Variants in COA5 observed in about 807,000 individuals in gnomAD.
COA5 encodes cytochrome c oxidase assembly factor 5.
Under a neutral mutation model 11.8 loss-of-function variants are expected in COA5, and 11 were observed. The observed-to-expected ratio is 0.93, with a 90% CI of 0.59 to 1.54. The LOEUF is 1.54. Ranked by LOEUF, COA5 falls within the 40% of genes most tolerant of loss-of-function variation. The pLI, the probability that COA5 is intolerant of heterozygous loss-of-function variation, is 0.00. For synonymous variants in COA5, 38 were observed against 37.5 expected, an observed-to-expected ratio of 1.01 and a Z score of -0.05; for missense variants, 87 against 89.2, an observed-to-expected ratio of 0.97 and a Z score of 0.10.
At chr2:98,604,322 G>C in intron 1 of COA5, 131 bp from the exon 2 acceptor site, 1 of 746,142 alleles carries the variant, frequency 1.3e-6, no homozygotes, top group Non-Finnish European at 2.3e-6. Flanking sequence ...GTAGGAAATA[G>C]TTCTTAATTC....
Position 98,600,685 on chromosome 2 carries a change from T to C in COA5, c.*67A>G. 1 of 1,385,638 alleles carries C rather than the reference T, an allele frequency of 7.2e-7. No homozygotes were observed. 85.8% of individuals were successfully genotyped at this position (1,385,638 alleles called of 1,614,324 possible). A position where few individuals can be genotyped will look rare whatever the true frequency, so the allele number is the denominator to read the frequency against. ...GTAGTAAAAAGTATGTTTCCTGTTT[T>C]GGCTTCTTTGTGTTAATGACCAGGG... On this transcript the variant is annotated 3_prime_UTR_variant, in exon 3 of 3. Coordinates refer to ENST00000328709, the MANE Select transcript of COA5 (RefSeq NM_001008215.3).
rs1410749311 is a variant in COA5 at position 98,608,392 on chromosome 2, T to A, written c.14A>T (p.Tyr5Phe). MPKY[Y>F]EDKPQGGACA... Reference sequence around the variant, plus strand: ...CGCGCCGCCCTGCGGCTTGTCCTCATAATACTTAGGCATGACGGCGCTTCC... The same window carrying A: ...CGCGCCGCCCTGCGGCTTGTCCTCAAAATACTTAGGCATGACGGCGCTTCC... Residue 5 changes from tyrosine (Y) to phenylalanine (F), a missense_variant, in exon 1 of 3, where the codon TAT becomes TTT. By Grantham distance (22) the Tyr-to-Phe change is conservative. Transcript: ENST00000328709. 3 of 1,602,272 alleles carry A rather than the reference T, an allele frequency of 1.9e-6. No individual in the cohort carries two copies. Among genetic ancestry groups the A allele is most frequent in the Non-Finnish European group, 2.6e-6 (3 of 1,175,982 alleles).
At position 98,608,430 on chromosome 2, in the gene COA5, A is replaced by G. The variant is rs896544312; in HGVS notation, c.-25T>C. ...TGACGGCGCTTCCCCTCCGATGCGGACGCGACTTTCTCCCACCGCAACACT... is the reference window on the plus strand; with the variant it reads ...TGACGGCGCTTCCCCTCCGATGCGGGCGCGACTTTCTCCCACCGCAACACT... On this transcript the variant is annotated 5_prime_UTR_variant, in exon 1 of 3. Transcript: ENST00000328709. 6.5e-6 allele frequency: 10 copies of G among 1,546,466 alleles called. No individual in the cohort carries two copies. Among genetic ancestry groups the G allele is most frequent in the African/African-American group, 1.4e-5 (1 of 73,888 alleles).
intron 2 of COA5, 57 bp from the exon 3 acceptor site, chr2:98,600,850 C>A: frequency 8.7e-7 from 1 of 1,155,520 alleles, no homozygotes; most frequent in Middle Eastern, 2.0e-4. Flanking sequence ...ATTAAACACC[C>A]CTTACTTTGG....
At chr2:98,601,163 C>G (rs1165880365) in intron 2 of COA5, among the ~76,000 whole-genome samples, 1 of 151,832 alleles carries the variant, frequency 6.6e-6, no homozygotes, top group Admixed American at 6.6e-5. Context: ...GAGAATTGCT[C>G]GAACCTGGGA....
intron 1 of COA5, 138 bp downstream of exon 1, chr2:98,608,169 C>G: frequency 1.5e-6 from 1 of 688,400 alleles, no homozygotes; most frequent in Non-Finnish European, 2.6e-6. Context: ...GATCTGCGCA[C>G]GTTCAGTGAG....
At chr2:98,602,796 T>C (rs1388738103) in intron 2 of COA5, among the ~76,000 whole-genome samples, 1 of 152,144 alleles carries the variant, frequency 6.6e-6, no homozygotes, top group Non-Finnish European at 1.5e-5. Context: ...AGTAGATAAA[T>C]TGTAAAAATA....
At position 98,608,445 on chromosome 2, in the gene COA5, A is replaced by C; in HGVS notation, c.-40T>G. 1 of 1,455,956 alleles carries C rather than the reference A, an allele frequency of 6.9e-7. No individual in the cohort carries two copies. Among genetic ancestry groups the C allele is most frequent in the Non-Finnish European group, 9.4e-7 (1 of 1,062,026 alleles). 90.2% of individuals were successfully genotyped at this position (1,455,956 alleles called of 1,614,324 possible). A position where few individuals can be genotyped will look rare whatever the true frequency, so the allele number is the denominator to read the frequency against. On this transcript the variant is annotated 5_prime_UTR_variant, in exon 1 of 3. Transcript: ENST00000328709. Reference sequence around the variant, plus strand: ...TCCGATGCGGACGCGACTTTCTCCCACCGCAACACTTGCAACCGGGTCGGG... The same window carrying C: ...TCCGATGCGGACGCGACTTTCTCCCCCCGCAACACTTGCAACCGGGTCGGG...
At chr2:98,601,203 C>T (rs1046415801) in intron 2 of COA5, among the ~76,000 whole-genome samples, 2 of 151,618 alleles carry the variant, frequency 1.3e-5, no homozygotes, top group African/African-American at 2.4e-5. Context: ...CAAGATCGCA[C>T]CACTGCACTC....
intron 2 of COA5, among the ~76,000 whole-genome samples, chr2:98,601,557 G>A (rs1277273426): frequency 2.6e-5 from 4 of 152,194 alleles, no homozygotes; most frequent in Non-Finnish European, 4.4e-5. Context: ...AAGGGTAGTA[G>A]GTAGAGCAGA....
At chr2:98,600,962 T>A (rs997138479) in intron 2 of COA5, among the ~76,000 whole-genome samples, 169 bp from the exon 3 acceptor site, 3 of 152,084 alleles carry the variant, frequency 2.0e-5, no homozygotes, top group Admixed American at 6.5e-5. Context: ...AAAGATGGCA[T>A]TGGCAGGGCA....
In COA5 at chr2:98,603,435, T is replaced by G. The variant is rs555261931; in HGVS notation, c.183+673A>C. ...GGCAGAGGTTGCAGTGATCTGAGAT[T>G]GCGCCACTGCACTCCAGCCTGGTGA... is the stretch of plus-strand genomic sequence containing the variant. On this transcript the variant is annotated intron_variant, in intron 2 of 2. Transcript: ENST00000328709. 4.6e-5 allele frequency among the ~76,000 whole-genome samples: 7 copies of G among 152,130 alleles called. No individual in the cohort carries two copies. In the East Asian group the frequency reaches 1.3e-3, roughly 29 times the overall value.
chr2:98,603,637 T>C (rs989098993), intron 2 of COA5, among the ~76,000 whole-genome samples: 1 of 152,224 alleles, frequency 6.6e-6, no homozygotes, highest in African/African-American at 2.4e-5. Context: ...CAAAGAATGT[T>C]AGAATGAACC....
intron 1 of COA5, among the ~76,000 whole-genome samples, chr2:98,605,476 C>T (rs6542834): frequency 0.8 from 121,412 of 152,206 alleles, 49,485 homozygotes; most frequent in African/African-American, 0.96. Flanking sequence ...ACAGTGTCTG[C>T]GTTCATGGAA....
rs1245055632 is a variant in COA5 at position 98,599,437 on chromosome 2, G to T, written c.*1315C>A. 5 of 151,932 alleles carry T rather than the reference G, an allele frequency of 3.3e-5. No homozygotes were observed. The highest frequency in any genetic ancestry group is 1.2e-4 in the African/African-American group (5 of 41,374). 9.4% of individuals were successfully genotyped at this position (151,932 alleles called of 1,614,324 possible). ...AGTTGTTTACTTTTATTAATAAAAA[G>T]TTAGATCACTTATATATATATACAT... On this transcript the variant is annotated 3_prime_UTR_variant, in exon 3 of 3. Transcript: ENST00000328709.
At chr2:98,607,335 C>T (rs1202894952) in intron 1 of COA5, among the ~76,000 whole-genome samples, 1 of 152,158 alleles carries the variant, frequency 6.6e-6, no homozygotes, top group Non-Finnish European at 1.5e-5. Flanking sequence ...CTGAAAACAA[C>T]GGTACTTCAG....
At chr2:98,603,928 G>A (rs1356468844) in intron 2 of COA5, among the ~76,000 whole-genome samples, 180 bp downstream of exon 2, 2 of 152,200 alleles carry the variant, frequency 1.3e-5, no homozygotes, top group Non-Finnish European at 2.9e-5. Flanking sequence ...ACATAACAAT[G>A]AGCTGTGGGT....
intron 1 of COA5, 154 bp from the exon 2 acceptor site, chr2:98,604,345 G>A (rs1700683135): frequency 3.1e-6 from 2 of 643,368 alleles, no homozygotes; most frequent in African/African-American, 1.8e-5. Context: ...TTGGGCTATT[G>A]GTGCCTAAAG....
At chr2:98,606,106 G>C (rs1356513911) in intron 1 of COA5, among the ~76,000 whole-genome samples, 1 of 152,156 alleles carries the variant, frequency 6.6e-6, no homozygotes, top group Non-Finnish European at 1.5e-5. Context: ...GTTAAAGACT[G>C]GCAAGAAGAG....
Sources: gnomAD v4.1 joint callset for allele counts (sites outside exome capture counted in the v4.1 genomes callset) on GRCh38, gnomAD v4.1.1 for gene constraint, MANE v1.5 for transcripts, NCBI Gene and HGNC (gene_info 2026-07-23, HGNC 2026-07-21) for gene names.